POU2F2: variants seen among roughly 807,000 people sequenced by gnomAD.
The protein encoded by POU2F2 is POU domain, class 2, transcription factor 2.
A neutral mutation model predicts 63.5 loss-of-function variants in POU2F2; 14 were observed. That is an observed-to-expected ratio of 0.22 (90% confidence interval 0.15 to 0.34). The LOEUF (loss-of-function observed/expected upper bound fraction) is 0.34, where lower values mean the gene tolerates loss of function less well. POU2F2 is among the 10% of genes least tolerant of loss of function. POU2F2 has a pLI of 1.00. For synonymous variants in POU2F2, 306 were observed against 348.6 expected (o/e 0.88, Z 1.36); for missense variants, 607 against 815.2 (o/e 0.74, Z 3.11).
chr19:42,191,186 T>C (rs752769481), intron 1 of POU2F2, among the ~76,000 whole-genome samples: 37 of 152,132 alleles, frequency 2.4e-4, no homozygotes, highest in Admixed American at 7.9e-4. Context: ...TCTACCCATA[T>C]GGGTGGCATC....
intron 1 of POU2F2, among the ~76,000 whole-genome samples, chr19:42,170,972 C>T (rs544590904): frequency 9.8e-5 from 15 of 152,288 alleles, no homozygotes; most frequent in Non-Finnish European, 1.9e-4. Context: ...GCGGCCTCGG[C>T]CATTAGTCGG....
At chr19:42,141,499 GAGA>G (rs2034126748) in intron 2 of POU2F2, among the ~76,000 whole-genome samples, 1 of 36,350 alleles carries the variant, frequency 2.8e-5, no homozygotes, top group East Asian at 7.7e-4. Flanking sequence ...TTTTTTTTTT[GAGA>G]AGGAGTCTTG....
intron 5 of POU2F2, among the ~76,000 whole-genome samples, chr19:42,113,212 T>A (rs2031377465): frequency 6.6e-6 from 1 of 152,208 alleles, no homozygotes; most frequent in South Asian, 2.1e-4. Context: ...TATAAAATGA[T>A]GTTTTAACTG....
rs1338947046 is a variant in POU2F2 at position 42,091,146 on chromosome 19, A to C, written c.*111T>G. 1.6e-5 allele frequency: 14 copies of C among 858,522 alleles called. No homozygotes were observed. Among genetic ancestry groups the C allele is most frequent in the Admixed American group, 1.6e-4 (3 of 19,192 alleles). The allele number at this position is 858,522 out of a possible 1,614,324, so 53.2% of individuals were successfully genotyped here. A position where few individuals can be genotyped will look rare whatever the true frequency, so the allele number is the denominator to read the frequency against. Reference sequence around the variant, plus strand: ...TTTTTTTGGTCTTTCCTCCCTTGTCACTCCTGCTCTGAGGACCCTCTGCGT... The same window carrying C: ...TTTTTTTGGTCTTTCCTCCCTTGTCCCTCCTGCTCTGAGGACCCTCTGCGT... On this transcript the variant is annotated 3_prime_UTR_variant, in exon 15 of 15. Coordinates refer to ENST00000692977, the MANE Select transcript of POU2F2 (RefSeq NM_001394376.1).
intron 1 of POU2F2, among the ~76,000 whole-genome samples, chr19:42,173,741 A>G (rs2034816308): frequency 6.6e-6 from 1 of 152,022 alleles, no homozygotes; most frequent in Non-Finnish European, 1.5e-5. Flanking sequence ...GAGGGAAGTG[A>G]GCGCAACCAA....
rs550528630 is a variant in POU2F2 at position 42,161,863 on chromosome 19, C to T, written c.-69-1471G>A. Among the ~76,000 whole-genome samples, 7 of 152,312 alleles carry T rather than the reference C, an allele frequency of 4.6e-5. No individual in the cohort carries two copies. In the East Asian group the frequency reaches 5.8e-4, roughly 13 times the overall value. ...CAGCCCCCGCCCTGGAGCTAATCAG[C>T]GGCTGTCATCTCCACAGTGAGGTCT... On this transcript the variant is annotated intron_variant, in intron 1 of 6. Coordinates refer to the POU2F2 transcript ENST00000524801.
chr19:42,132,331 C>T, intron 1 of POU2F2, 53 bp downstream of exon 1: 2 of 1,582,688 alleles, frequency 1.3e-6, no homozygotes, highest in East Asian at 4.9e-5. Context: ...GCAGAGCAAA[C>T]CTAAATGTGC....
intron 1 of POU2F2, among the ~76,000 whole-genome samples, chr19:42,188,796 GGAAAGAAAGA>G (rs1245159634): frequency 7.1e-6 from 1 of 141,316 alleles, no homozygotes; most frequent in African/African-American, 2.6e-5. Context: ...AAAGGGAGAG[GGAAAGAAAGA>G]GAAAGAAAGA....
intron 1 of POU2F2, among the ~76,000 whole-genome samples, chr19:42,129,709 C>T (rs1025588461): frequency 3.3e-5 from 5 of 152,108 alleles, no homozygotes; most frequent in Admixed American, 6.5e-5. Context: ...CCCAGCTGGC[C>T]GAGCCCCCGT....
intron 2 of POU2F2, among the ~76,000 whole-genome samples, chr19:42,143,424 G>A (rs1218555224): frequency 6.6e-6 from 1 of 152,180 alleles, no homozygotes; most frequent in Non-Finnish European, 1.5e-5. Flanking sequence ...CTGTGGGCAG[G>A]GGCCAATCAT....
intron 1 of POU2F2, among the ~76,000 whole-genome samples, chr19:42,192,164 C>T (rs1161896220): frequency 1.3e-5 from 2 of 152,112 alleles, no homozygotes; most frequent in African/African-American, 4.8e-5. Flanking sequence ...GAGGCTAGAT[C>T]ATTACGAGGA....
rs565058616 is a variant in POU2F2, at chr19:42,091,235, G to A, written c.*22C>T. ...GACCAAGGCAGGGACCAGAGGAATG[G>A]GAGGGGAGGCATGGCTGGCCCTCAC... On this transcript the variant is annotated 3_prime_UTR_variant, in exon 15 of 15. Transcript: ENST00000692977. 1 of 1,517,308 alleles carries A rather than the reference G, an allele frequency of 6.6e-7. No individual in the cohort carries two copies. Among genetic ancestry groups the A allele is most frequent in the South Asian group, 1.2e-5 (1 of 81,428 alleles). The allele number at this position is 1,517,308 out of a possible 1,614,324, so 94.0% of individuals were successfully genotyped here.
intron 5 of POU2F2, among the ~76,000 whole-genome samples, chr19:42,110,943 T>C (rs1044615386): frequency 6.6e-6 from 1 of 152,124 alleles, no homozygotes; most frequent in Non-Finnish European, 1.5e-5. Context: ...GAGGCCTGAG[T>C]AATATTATCT....
chr19:42,140,016 C>T (rs569319454), intron 2 of POU2F2, among the ~76,000 whole-genome samples: 1 of 152,358 alleles, frequency 6.6e-6, no homozygotes, highest in Non-Finnish European at 1.5e-5. Flanking sequence ...GCTTGTGCTT[C>T]AGCTGTTTTG....
chr19:42,169,305 G>A lies in POU2F2; in HGVS notation c.-70+6658C>T, dbSNP rs1421786270. Among the ~76,000 whole-genome samples the A allele has an allele frequency of 6.6e-6, 1 of 152,154 alleles. No individual in the cohort carries two copies. The highest frequency in any genetic ancestry group is 1.9e-4 in the East Asian group (1 of 5,206). On this transcript the variant is annotated intron_variant, in intron 1 of 6. Coordinates refer to the POU2F2 transcript ENST00000524801. The surrounding 1 kb of genome is among the most constrained non-coding windows in gnomAD (Gnocchi z 4.3). ...CTGCCATGTTTTAGTATTTCTATTC[G>A]TACATTTTCTATTGAAAAACAAATC...
chr19:42,197,043 G>A (rs1167433520), upstream of POU2F2, among the ~76,000 whole-genome samples: 3 of 152,242 alleles, frequency 2.0e-5, no homozygotes. Flanking sequence ...GGGGCTAGGG[G>A]CTCAAGGGAA....
chr19:42,127,373 G>C (rs536052979), intron 1 of POU2F2, among the ~76,000 whole-genome samples: 4 of 151,288 alleles, frequency 2.6e-5, no homozygotes. Context: ...CCCAGCATAA[G>C]CTCTGTTTTC....
Position 42,195,103 on chromosome 19 carries a change from G to GAGGGAGGAAGGA in POU2F2, c.-70+1279_-70+1280insTCCTTCCTCCCT, listed in dbSNP as rs1568430915. Reference sequence around the variant, plus strand: ...GGAGGGAGGAAGGGAGGAAGGAAGGGAGGGAGGGAGGGAGGAACGAAGAGA... The same window carrying GAGGGAGGAAGGA: ...GGAGGGAGGAAGGGAGGAAGGAAGGGAGGGAGGAAGGAAGGGAGGGAGGGAGGAACGAAGAGA... On this transcript the variant is annotated intron_variant, in intron 1 of 5. Coordinates refer to the POU2F2 transcript ENST00000532176. Among the ~76,000 whole-genome samples the GAGGGAGGAAGGA allele has an allele frequency of 9.6e-3, 587 of 61,450 alleles. 5 individuals carry two copies. The highest frequency in any genetic ancestry group is 0.037 in the Middle Eastern group (3 of 82). 40.3% of individuals were successfully genotyped at this position (61,450 alleles called of 152,430 possible).
At chr19:42,149,697 GAGAAA>G (rs2034302839) in intron 2 of POU2F2, among the ~76,000 whole-genome samples, 1 of 152,104 alleles carries the variant, frequency 6.6e-6, no homozygotes, top group South Asian at 2.1e-4. Context: ...GAAAACAGGA[GAGAAA>G]AGAAAGAGGG....
Sources: gnomAD v4.1 joint callset for allele counts (sites outside exome capture counted in the v4.1 genomes callset) on GRCh38, gnomAD v4.1.1 for gene constraint, Gnocchi (gnomAD v3.1) non-coding constraint, MANE v1.5 for transcripts, NCBI Gene and HGNC (gene_info 2026-07-23, HGNC 2026-07-21) for gene names.